ESR1: variants seen among roughly 807,000 people sequenced by gnomAD.
The protein encoded by ESR1 is estrogen receptor 1, also known as estrogen receptor.
Under a neutral mutation model 52.7 loss-of-function variants are expected in ESR1, and 12 were observed. That is an observed-to-expected ratio of 0.23 (90% CI 0.15 to 0.37). The LOEUF is 0.37. Among genes scored for constraint, ESR1 ranks in the 10% least tolerant of loss-of-function variants. The pLI, the probability that ESR1 is intolerant of heterozygous loss-of-function variation, is 1.00. For synonymous variants in ESR1, 305 were observed against 316.8 expected (o/e 0.96, Z 0.39); for missense variants, 584 against 779.7 (o/e 0.75, Z 2.99).
intron 4 of ESR1, among the ~76,000 whole-genome samples, chr6:151,956,140 G>A (rs1338863170): frequency 6.6e-6 from 1 of 152,144 alleles, no homozygotes; most frequent in Non-Finnish European, 1.5e-5. Flanking sequence ...TGGACATTTA[G>A]GTTGATTCCA....
upstream of ESR1, chr6:151,804,785 G>C (rs1777613902): frequency 6.6e-6 from 1 of 152,196 alleles, no homozygotes; most frequent in African/African-American, 2.4e-5. Context: ...ACTAATGTCT[G>C]GCAACAAAGC....
intron 2 of ESR1, among the ~76,000 whole-genome samples, chr6:151,767,199 C>T (rs1029176612): frequency 1.3e-5 from 2 of 152,206 alleles, no homozygotes; most frequent in Non-Finnish European, 2.9e-5. Flanking sequence ...CCCATGGCCT[C>T]AACCATCTTC....
chr6:151,890,930 T>C (rs1024094087), intron 3 of ESR1, among the ~76,000 whole-genome samples: 2 of 152,192 alleles, frequency 1.3e-5, no homozygotes, highest in Admixed American at 1.3e-4. Flanking sequence ...CTTGTTTTTT[T>C]AAATCCATTT....
chr6:151,884,484 C>T (rs1793502936), intron 3 of ESR1, among the ~76,000 whole-genome samples: 1 of 152,184 alleles, frequency 6.6e-6, no homozygotes, highest in Non-Finnish European at 1.5e-5. Flanking sequence ...TGAAACTCTA[C>T]CTATGAAATA....
At chr6:152,056,670 C>T (rs1585037923) in intron 5 of ESR1, among the ~76,000 whole-genome samples, 1 of 152,104 alleles carries the variant, frequency 6.6e-6, no homozygotes, top group East Asian at 1.9e-4. Flanking sequence ...TGCAAATGGA[C>T]CACATTTGAA....
chr6:152,065,640 C>T lies in ESR1; in HGVS notation c.1369+4516C>T, dbSNP rs183986567. On this transcript the variant is annotated intron_variant, in intron 6 of 7. Transcript: ENST00000206249. ...TTTATCTACTTCTCTCCCTGGAGAA[C>T]CAGCCAGACCATGATTCCAGCCCTC... 3.2e-4 allele frequency among the ~76,000 whole-genome samples: 49 copies of T among 152,298 alleles called. 1 individual carries two copies. The highest frequency in any genetic ancestry group is 2.5e-3 in the Admixed American group (38 of 15,300).
At chr6:151,747,281 A>C (rs1454463622) in intron 2 of ESR1, among the ~76,000 whole-genome samples, 1 of 152,224 alleles carries the variant, frequency 6.6e-6, no homozygotes, top group Non-Finnish European at 1.5e-5. Context: ...AATACAATCT[A>C]GGTGACTGGA....
chr6:152,087,387 G>A (rs1201729825), intron 6 of ESR1, among the ~76,000 whole-genome samples: 1 of 152,120 alleles, frequency 6.6e-6, no homozygotes, highest in Non-Finnish European at 1.5e-5. Flanking sequence ...TTTCCCATCA[G>A]CAAGTCATAA....
At chr6:152,060,382 G>A (rs2047452698) in intron 5 of ESR1, among the ~76,000 whole-genome samples, 1 of 152,072 alleles carries the variant, frequency 6.6e-6, no homozygotes, top group African/African-American at 2.4e-5. Flanking sequence ...TTCCAAGGAG[G>A]CATTCACATC....
At chr6:151,790,534 A>T (rs909050358) in intron 2 of ESR1, among the ~76,000 whole-genome samples, 2 of 150,820 alleles carry the variant, frequency 1.3e-5, no homozygotes, top group African/African-American at 4.9e-5. Context: ...ATCCTTTCGT[A>T]TGCTTGATGT....
At chr6:152,065,742 G>A (rs2047915814) in intron 6 of ESR1, among the ~76,000 whole-genome samples, 1 of 152,076 alleles carries the variant, frequency 6.6e-6, no homozygotes, top group Non-Finnish European at 1.5e-5. Flanking sequence ...GATGCCTTCT[G>A]TGTGCTGCTG....
intron 1 of ESR1, among the ~76,000 whole-genome samples, chr6:151,672,817 T>C (rs1297904228): frequency 6.8e-6 from 1 of 146,990 alleles, no homozygotes; most frequent in Non-Finnish European, 1.5e-5. Context: ...TGTGCTCAAA[T>C]TCATGATCAA....
At chr6:152,081,932 T>G (rs540100751) in intron 6 of ESR1, among the ~76,000 whole-genome samples, 1 of 152,170 alleles carries the variant, frequency 6.6e-6, no homozygotes, top group Non-Finnish European at 1.5e-5. Context: ...CAGGAAGAAG[T>G]TGAATCTCTG....
At chr6:151,760,634 C>T (rs1202920764) in intron 2 of ESR1, among the ~76,000 whole-genome samples, 1 of 152,182 alleles carries the variant, frequency 6.6e-6, no homozygotes, top group Non-Finnish European at 1.5e-5. Flanking sequence ...CAGCCTGCTC[C>T]CTTAATGCTC....
At chr6:151,997,216 A>G (rs1185237039) in intron 4 of ESR1, among the ~76,000 whole-genome samples, 1 of 152,148 alleles carries the variant, frequency 6.6e-6, no homozygotes, top group East Asian at 1.9e-4. Flanking sequence ...CAGTATTGGC[A>G]TATGTCTGGC....
chr6:152,025,815 CTTAAT>C (rs1159775037), intron 5 of ESR1, among the ~76,000 whole-genome samples: 12 of 151,836 alleles, frequency 7.9e-5, no homozygotes, highest in African/African-American at 2.9e-4. Context: ...TGAGTTGATA[CTTAAT>C]TTATTTTCAT....
intron 5 of ESR1, among the ~76,000 whole-genome samples, chr6:152,042,979 A>G (rs1207287959): frequency 6.6e-6 from 1 of 152,188 alleles, no homozygotes; most frequent in South Asian, 2.1e-4. Context: ...TCCCACTATA[A>G]TATCTAGCAT....
chr6:152,086,049 G>GA (rs1033662009), intron 6 of ESR1, among the ~76,000 whole-genome samples: 3 of 152,136 alleles, frequency 2.0e-5, no homozygotes, highest in African/African-American at 7.2e-5. Context: ...CCTTTTCTAG[G>GA]AAAAAAGGAA....
At chr6:151,756,849 G>C (rs942332961) in intron 2 of ESR1, among the ~76,000 whole-genome samples, 4 of 152,178 alleles carry the variant, frequency 2.6e-5, no homozygotes, top group Admixed American at 2.0e-4. Context: ...AATTAGCTGG[G>C]TGTGGTGGTG....
Sources: allele counts gnomAD v4.1 joint callset (sites outside exome capture counted in the v4.1 genomes callset), GRCh38; gene constraint gnomAD v4.1.1; transcripts MANE v1.5; gene names NCBI Gene and HGNC (gene_info 2026-07-23, HGNC 2026-07-21).